DNAJB6: variants seen among roughly 807,000 people sequenced by gnomAD.
DNAJB6 encodes the protein DnaJ heat shock protein family (Hsp40) member B6.
DNAJB6 carries 16 observed loss-of-function variants against 42.7 expected under a neutral mutation model. That is an observed-to-expected ratio of 0.37 (90% CI 0.25 to 0.57). The LOEUF is 0.57. Among genes scored for constraint, DNAJB6 ranks in the 20% least tolerant of loss-of-function variants. DNAJB6 has a pLI of 0.74. For synonymous variants in DNAJB6, 170 were observed against 163.5 expected (o/e 1.04, Z -0.30); for missense variants, 347 against 416.8 (o/e 0.83, Z 1.46).
intron 1 of DNAJB6, among the ~76,000 whole-genome samples, chr7:157,350,566 A>T (rs891653138): frequency 6.6e-6 from 1 of 152,182 alleles, no homozygotes; most frequent in African/African-American, 2.4e-5. Flanking sequence ...ATTAGTGGTT[A>T]TTGAAGTGTG....
In DNAJB6 at chr7:157,392,227, G is replaced by T. The variant is rs1032200492; in HGVS notation, c.691+6616G>T. ...TCTGTCAACAGTTTCTAAAATTTGC[G>T]TCTTGGCTATCCAGGGCAAGCATCT... On this transcript the variant is annotated intron_variant, in intron 8 of 9. Transcript: ENST00000262177. Among the ~76,000 whole-genome samples the T allele has an allele frequency of 5.9e-5, 9 of 152,094 alleles. No individual in the cohort carries two copies. In the East Asian group the frequency reaches 1.5e-3, roughly 26 times the overall value.
chr7:157,340,788 C>T (rs1051572959), intron 1 of DNAJB6, among the ~76,000 whole-genome samples: 2 of 152,050 alleles, frequency 1.3e-5, no homozygotes, highest in South Asian at 2.1e-4. Flanking sequence ...CCTGCTTCAG[C>T]CTGCCAGGTA....
chr7:157,416,331 C>T lies in DNAJB6; in HGVS notation c.*233C>T. ...TTGGCCGCGACTCTCTGCTTCTCTCCAGCTCTCAATCTGCTGCATTTTCCT... is the reference window on the plus strand; with the variant it reads ...TTGGCCGCGACTCTCTGCTTCTCTCTAGCTCTCAATCTGCTGCATTTTCCT... On this transcript the variant is annotated 3_prime_UTR_variant, in exon 10 of 10. Transcript: ENST00000262177. 3 of 558,078 alleles carry T rather than the reference C, an allele frequency of 5.4e-6. No individual in the cohort carries two copies. Among genetic ancestry groups the T allele is most frequent in the Non-Finnish European group, 9.4e-6 (3 of 318,916 alleles). 34.6% of individuals were successfully genotyped at this position (558,078 alleles called of 1,614,324 possible).
intron 9 of DNAJB6, chr7:157,410,935 C>T (rs1795949307): frequency 6.6e-6 from 1 of 152,252 alleles, no homozygotes; most frequent in South Asian, 2.1e-4. Context: ...TCGGATGAAG[C>T]ACAGTTGCCG....
intron 2 of DNAJB6, among the ~76,000 whole-genome samples, chr7:157,362,256 A>G (rs1324703182): frequency 6.6e-6 from 1 of 152,194 alleles, no homozygotes; most frequent in East Asian, 1.9e-4. Flanking sequence ...CACCTTTGGC[A>G]CACAGATGAG....
At chr7:157,350,978 A>G (rs1382088300) in intron 1 of DNAJB6, among the ~76,000 whole-genome samples, 3 of 150,266 alleles carry the variant, frequency 2.0e-5, no homozygotes, top group African/African-American at 7.4e-5. Context: ...CTTGTTGGCC[A>G]GGCTGGAGTG....
rs562953214 is a variant in DNAJB6 at position 157,407,335 on chromosome 7, G to A, written c.692-2460G>A. 1.2e-4 allele frequency among the ~76,000 whole-genome samples: 18 copies of A among 152,348 alleles called. 1 individual carries two copies. In the South Asian group the frequency reaches 3.1e-3, roughly 26 times the overall value. On this transcript the variant is annotated intron_variant, in intron 8 of 9. Coordinates refer to ENST00000262177, the MANE Select transcript of DNAJB6 (RefSeq NM_058246.4). ...TTCTGGCGGCAGTGACAGAGCTCAC[G>A]CTGCATCGCTGTGCCCCGGGGAAGA...
At chr7:157,402,683 AT>A (rs1795578891) in intron 8 of DNAJB6, among the ~76,000 whole-genome samples, 1 of 152,200 alleles carries the variant, frequency 6.6e-6, no homozygotes, top group Non-Finnish European at 1.5e-5. Flanking sequence ...GGCCCCAGTC[AT>A]CCCAGGGGCC....
intron 5 of DNAJB6, chr7:157,369,147 C>A: frequency 2.6e-6 from 1 of 388,954 alleles, no homozygotes; most frequent in Non-Finnish European, 5.1e-6. Context: ...GGGAGACTGG[C>A]GTGCTCATCG....
In DNAJB6 at chr7:157,386,381, G is replaced by A. The variant is rs528338802; in HGVS notation, c.691+770G>A. On this transcript the variant is annotated intron_variant, in intron 8 of 9. Coordinates refer to ENST00000262177, the MANE Select transcript of DNAJB6 (RefSeq NM_058246.4). The stretch of plus-strand genomic sequence containing the variant: ...GGGCTTCTAGTGTCACTTTAATAGC[G>A]TTTCGTGCTGTTCATTCAGGTGGAT... 2.8e-5 allele frequency: 25 copies of A among 902,758 alleles called. 1 individual carries two copies. The Admixed American group carries it at 6.2e-4, about 22-fold the overall frequency. 55.9% of individuals were successfully genotyped at this position (902,758 alleles called of 1,614,324 possible). A position where few individuals can be genotyped will look rare whatever the true frequency, so the allele number is the denominator to read the frequency against.
chr7:157,350,281 A>T (rs1022753306), intron 1 of DNAJB6, among the ~76,000 whole-genome samples: 1 of 152,188 alleles, frequency 6.6e-6, no homozygotes, highest in African/African-American at 2.4e-5. Flanking sequence ...AGGGTTTCTC[A>T]GGAGGAACTG....
intron 1 of DNAJB6, among the ~76,000 whole-genome samples, chr7:157,342,674 C>T (rs1798464205): frequency 6.6e-6 from 1 of 152,078 alleles, no homozygotes; most frequent in African/African-American, 2.4e-5. Context: ...CCAGGCTGGT[C>T]TTGAACTTGT....
At chr7:157,364,972 G>A (rs1799774436) in intron 3 of DNAJB6, among the ~76,000 whole-genome samples, 1 of 152,204 alleles carries the variant, frequency 6.6e-6, no homozygotes, top group Non-Finnish European at 1.5e-5. Flanking sequence ...TAAAAATTGA[G>A]AAGGGGTCTC....
chr7:157,398,741 C>CCAG (rs2117157450), intron 8 of DNAJB6, among the ~76,000 whole-genome samples: 1 of 152,310 alleles, frequency 6.6e-6, no homozygotes, highest in African/African-American at 2.4e-5. Context: ...TCTGTTGTAA[C>CCAG]CAGCCTACAT....
At chr7:157,362,316 G>C (rs1039714724) in intron 2 of DNAJB6, among the ~76,000 whole-genome samples, 1 of 152,132 alleles carries the variant, frequency 6.6e-6, no homozygotes, top group African/African-American at 2.4e-5. Context: ...ATCAGAACAT[G>C]GAAGGATATG....
chr7:157,403,936 T>C (rs959697638), intron 8 of DNAJB6, among the ~76,000 whole-genome samples: 4 of 152,222 alleles, frequency 2.6e-5, no homozygotes, highest in African/African-American at 9.6e-5. Flanking sequence ...ACTGGCTGTT[T>C]CTTGAGGGTG....
intron 2 of DNAJB6, 72 bp downstream of exon 2, chr7:157,358,709 C>G: frequency 8.2e-7 from 1 of 1,224,426 alleles, no homozygotes; most frequent in Non-Finnish European, 1.2e-6. Context: ...ATAACTTCTT[C>G]TATTGCCTAT....
chr7:157,369,115 G>A, intron 5 of DNAJB6: 1 of 369,592 alleles, frequency 2.7e-6, no homozygotes. Flanking sequence ...AAGCTGAGCA[G>A]GCGATTTCCG....
At chr7:157,389,274 AG>A (rs1801225790) in intron 8 of DNAJB6, among the ~76,000 whole-genome samples, 1 of 152,248 alleles carries the variant, frequency 6.6e-6, no homozygotes, top group Non-Finnish European at 1.5e-5. Flanking sequence ...TAAGCACTAT[AG>A]AATGAATTAG....
Sources: gnomAD v4.1 joint callset for allele counts (sites outside exome capture counted in the v4.1 genomes callset) on GRCh38, gnomAD v4.1.1 for gene constraint, MANE v1.5 for transcripts, NCBI Gene and HGNC (gene_info 2026-07-23, HGNC 2026-07-21) for gene names.